The following LIMS1 variants were observed in gnomAD, a reference collection of about 807,000 sequenced individuals.
LIMS1 encodes LIM zinc finger domain containing 1.
A neutral mutation model predicts 44.1 loss-of-function variants in LIMS1; 18 were observed. The observed-to-expected ratio is 0.41, with a 90% CI of 0.28 to 0.61. The LOEUF (loss-of-function observed/expected upper bound fraction) is 0.61, where lower values mean the gene tolerates loss of function less well. Among genes scored for constraint, LIMS1 ranks in the 20% least tolerant of loss-of-function variants. The pLI, the probability that LIMS1 is intolerant of heterozygous loss-of-function variation, is 0.32. For synonymous variants in LIMS1, 93 were observed against 149.1 expected (o/e 0.62, Z 2.74); for missense variants, 201 against 422.0 (o/e 0.48, Z 4.59).
chr2:108,683,853 ACTT>A (rs760744919), intron 9 of LIMS1, 29 bp from the exon 10 acceptor site: 13 of 1,240,264 alleles, frequency 1.0e-5, no homozygotes, highest in African/African-American at 3.0e-5. Context: ...GTTTCCACTA[ACTT>A]CTTTTTTTTT....
At chr2:108,578,587 A>T (rs1573362369) in intron 1 of LIMS1, among the ~76,000 whole-genome samples, 2 of 100,790 alleles carry the variant, frequency 2.0e-5, no homozygotes, top group Non-Finnish European at 2.0e-5. Context: ...AATGTAAATA[A>T]TTTTTTTTTT....
At chr2:108,534,124 A>AGCC (rs1438127170), upstream of LIMS1, 3 of 153,550 alleles carry the variant, frequency 2.0e-5, no homozygotes, top group South Asian at 4.1e-4. Context: ...TCGGCCCCCG[A>AGCC]GCCGCCGCCG....
At chr2:108,534,194 C>T (rs938886471), upstream of LIMS1, 2 of 154,326 alleles carry the variant, frequency 1.3e-5, no homozygotes, top group African/African-American at 4.8e-5. Context: ...GCGCCAGCCT[C>T]CCAGACTAGC....
chr2:108,613,016 T>G (rs1271751066), intron 1 of LIMS1, among the ~76,000 whole-genome samples: 2 of 151,832 alleles, frequency 1.3e-5, no homozygotes, highest in African/African-American at 4.8e-5. Flanking sequence ...TCAAATCAAC[T>G]TGGGTTGGAT....
chr2:108,646,561 A>G (rs1283445454), intron 1 of LIMS1, among the ~76,000 whole-genome samples: 2 of 152,234 alleles, frequency 1.3e-5, no homozygotes, highest in Non-Finnish European at 2.9e-5. Flanking sequence ...TAACATCACA[A>G]TTAAAAGAAC....
At chr2:108,575,092 T>C (rs1410487610) in intron 1 of LIMS1, among the ~76,000 whole-genome samples, 1 of 152,192 alleles carries the variant, frequency 6.6e-6, no homozygotes, top group Non-Finnish European at 1.5e-5. Flanking sequence ...TGTTTCTCAT[T>C]GTAGGTTATA....
At chr2:108,560,447 T>C (rs1685073284) in intron 1 of LIMS1, among the ~76,000 whole-genome samples, 1 of 152,070 alleles carries the variant, frequency 6.6e-6, no homozygotes, top group Non-Finnish European at 1.5e-5. Flanking sequence ...TATCCACGTC[T>C]GTCCCCTAGG....
intron 1 of LIMS1, among the ~76,000 whole-genome samples, chr2:108,540,726 T>C (rs927221116): frequency 6.6e-6 from 1 of 152,204 alleles, no homozygotes; most frequent in Non-Finnish European, 1.5e-5. Flanking sequence ...ACACTGCTTC[T>C]TTATTTTACA....
intron 1 of LIMS1, chr2:108,588,219 C>T (rs1386936249): frequency 2.5e-6 from 1 of 399,024 alleles, no homozygotes; most frequent in African/African-American, 2.2e-5. Context: ...TGCTTCAGAA[C>T]AGTGGGGTTA....
At chr2:108,622,966 C>G (rs1688336048) in intron 1 of LIMS1, among the ~76,000 whole-genome samples, 1 of 138,492 alleles carries the variant, frequency 7.2e-6, no homozygotes, top group African/African-American at 2.7e-5. Flanking sequence ...CTCTTTCAAA[C>G]AACTAGATTT....
chr2:108,589,681 C>T (rs1398445551), intron 1 of LIMS1, among the ~76,000 whole-genome samples: 1 of 152,022 alleles, frequency 6.6e-6, no homozygotes, highest in Non-Finnish European at 1.5e-5. Flanking sequence ...TTGCTGCATC[C>T]CATAAGTTTT....
intron 6 of LIMS1, among the ~76,000 whole-genome samples, chr2:108,676,288 G>T (rs1692559563): frequency 6.6e-6 from 1 of 152,188 alleles, no homozygotes; most frequent in African/African-American, 2.4e-5. Context: ...GTGTACTTTT[G>T]CTCCTAAAGC....
chr2:108,601,303 G>A (rs1687002324), intron 1 of LIMS1, among the ~76,000 whole-genome samples: 1 of 152,098 alleles, frequency 6.6e-6, no homozygotes, highest in Non-Finnish European at 1.5e-5. Context: ...TCACCAGACC[G>A]GGAAGCAACA....
intron 2 of LIMS1, among the ~76,000 whole-genome samples, chr2:108,665,084 T>C (rs2438781): frequency 6.6e-6 from 1 of 152,240 alleles, no homozygotes; most frequent in Admixed American, 6.5e-5. Context: ...TCTCATTAAG[T>C]AGAAGCTTGG....
chr2:108,534,694 G>C, intron 1 of LIMS1, 100 bp downstream of exon 1: 1 of 677,350 alleles, frequency 1.5e-6, no homozygotes, highest in Non-Finnish European at 1.8e-6. Flanking sequence ...GGGCGGCCGG[G>C]CTTTCCCCGC....
chr2:108,680,715 G>T (rs1377403677), exon 9 of LIMS1: 1 of 1,610,248 alleles, frequency 6.2e-7, no homozygotes, highest in South Asian at 1.1e-5. Flanking sequence ...TCTTAATAAG[G>T]CCTGGTGCGT....
intron 1 of LIMS1, among the ~76,000 whole-genome samples, chr2:108,551,459 A>G (rs1684690346): frequency 7.1e-6 from 1 of 141,528 alleles, no homozygotes; most frequent in Non-Finnish European, 1.5e-5. Flanking sequence ...ATATATAGTT[A>G]GCACACTCTA....
intron 1 of LIMS1, chr2:108,607,225 A>AG (rs778319152): frequency 1.9e-6 from 3 of 1,550,978 alleles, no homozygotes. Flanking sequence ...CCAGCTGATG[A>AG]GGGACACATC....
intron 1 of LIMS1, among the ~76,000 whole-genome samples, chr2:108,597,430 A>C (rs1192278432): frequency 2.0e-5 from 3 of 152,182 alleles, no homozygotes; most frequent in Non-Finnish European, 4.4e-5. Context: ...GAAGAGTTAA[A>C]ATGTTGTGAA....
Sources: allele counts gnomAD v4.1 joint callset (sites outside exome capture counted in the v4.1 genomes callset), GRCh38; gene constraint gnomAD v4.1.1; transcripts MANE v1.5; gene names NCBI Gene and HGNC (gene_info 2026-07-23, HGNC 2026-07-21).